Variants in NEGR1 observed in about 807,000 individuals in gnomAD.
The protein encoded by NEGR1 is IgLON family member 4.
NEGR1 carries 10 observed loss-of-function variants against 40.9 expected under a neutral mutation model. The ratio of observed to expected loss-of-function variants is 0.24; its 90% confidence interval spans 0.15 to 0.42. The LOEUF (loss-of-function observed/expected upper bound fraction) is 0.42. Among genes scored for constraint, NEGR1 ranks in the 10% least tolerant of loss-of-function variants. NEGR1 has a pLI of 1.00. For missense variants in NEGR1, 352 were observed against 438.9 expected (o/e 0.80, Z 1.77); for synonymous variants, 185 against 166.8 (o/e 1.11, Z -0.84).
At chr1:71,529,281 G>A (rs964872282) in intron 6 of NEGR1, among the ~76,000 whole-genome samples, 2 of 151,162 alleles carry the variant, frequency 1.3e-5, no homozygotes, top group Non-Finnish European at 3.0e-5. Context: ...AGTGAATACT[G>A]GTAGGACTAC....
chr1:72,027,794 G>C (rs1351546750), intron 1 of NEGR1, among the ~76,000 whole-genome samples: 2 of 152,124 alleles, frequency 1.3e-5, no homozygotes, highest in Non-Finnish European at 2.9e-5. Flanking sequence ...CTACTCAAAG[G>C]GTGATCCCTG....
intron 1 of NEGR1, among the ~76,000 whole-genome samples, chr1:72,090,093 A>G (rs1342931596): frequency 2.0e-5 from 3 of 152,090 alleles, no homozygotes; most frequent in Non-Finnish European, 4.4e-5. Context: ...CCAAATAACT[A>G]GTTCACATTT....
At chr1:71,843,417 G>A (rs184389814) in intron 2 of NEGR1, among the ~76,000 whole-genome samples, 147 of 152,254 alleles carry the variant, frequency 9.7e-4, no homozygotes, top group Non-Finnish European at 1.8e-3. Flanking sequence ...CAGAAGTCGA[G>A]GCTATTGACT....
intron 6 of NEGR1, among the ~76,000 whole-genome samples, chr1:71,525,026 C>T (rs550277322): frequency 1.3e-5 from 2 of 151,708 alleles, no homozygotes; most frequent in Non-Finnish European, 3.0e-5. Flanking sequence ...GACTTCTGAC[C>T]TCCAAAACTA....
chr1:71,423,317 C>G (rs1303776118), intron 6 of NEGR1, among the ~76,000 whole-genome samples: 1 of 152,094 alleles, frequency 6.6e-6, no homozygotes, highest in African/African-American at 2.4e-5. Flanking sequence ...ATTGCTTGAG[C>G]CCAGGAGGTC....
At chr1:72,087,203 G>A (rs939911886) in intron 1 of NEGR1, among the ~76,000 whole-genome samples, 1 of 152,058 alleles carries the variant, frequency 6.6e-6, no homozygotes, top group African/African-American at 2.4e-5. Context: ...GGAACCATGA[G>A]TTCAGGAGTT....
chr1:72,150,868 T>C (rs962428158), intron 1 of NEGR1, among the ~76,000 whole-genome samples: 4 of 152,104 alleles, frequency 2.6e-5, no homozygotes, highest in African/African-American at 9.6e-5. Flanking sequence ...AATATTATAA[T>C]AACAACACAA....
intron 3 of NEGR1, among the ~76,000 whole-genome samples, chr1:71,746,155 T>A (rs1182353372): frequency 6.6e-6 from 1 of 152,242 alleles, no homozygotes; most frequent in African/African-American, 2.4e-5. Flanking sequence ...CATACAAATA[T>A]GTTATGCTTT....
intron 2 of NEGR1, among the ~76,000 whole-genome samples, chr1:71,909,644 G>T (rs1012167752): frequency 1.3e-5 from 2 of 152,104 alleles, no homozygotes; most frequent in African/African-American, 2.4e-5. Flanking sequence ...CTGGAAAGGG[G>T]TTTTTATGTG....
At chr1:72,079,421 T>C (rs937176445) in intron 1 of NEGR1, among the ~76,000 whole-genome samples, 2 of 152,060 alleles carry the variant, frequency 1.3e-5, no homozygotes, top group Non-Finnish European at 2.9e-5. Context: ...GAAAATATTA[T>C]GTTAGCTGGT....
intron 2 of NEGR1, among the ~76,000 whole-genome samples, chr1:71,895,013 A>G (rs1280437902): frequency 6.6e-6 from 1 of 152,192 alleles, no homozygotes; most frequent in Non-Finnish European, 1.5e-5. Context: ...AAATATCTAT[A>G]AGCAGTCTGT....
rs372108914 is a variant in NEGR1, at chr1:71,928,113, C to CATATGTAT, written c.409+6958_409+6965dup. On this transcript the variant is annotated intron_variant, in intron 2 of 6. Transcript: ENST00000357731. The stretch of plus-strand genomic sequence containing the variant: ...ATATACACACATATGTATATATACA[C>CATATGTAT]ATATGTATATATACACACATATGTA... Among the ~76,000 whole-genome samples, 5 of 72,670 alleles carry CATATGTAT rather than the reference C, an allele frequency of 6.9e-5. 1 individual carries two copies. Among genetic ancestry groups the CATATGTAT allele is most frequent in the East Asian group, 4.2e-4 (1 of 2,402 alleles). 47.7% of individuals were successfully genotyped at this position (72,670 alleles called of 152,430 possible).
At chr1:71,882,075 C>T (rs1348091070) in intron 2 of NEGR1, among the ~76,000 whole-genome samples, 1 of 151,826 alleles carries the variant, frequency 6.6e-6, no homozygotes, top group Non-Finnish European at 1.5e-5. Flanking sequence ...ATGTTGCCTT[C>T]CTGTGAAATT....
At chr1:72,110,612 T>C (rs1415509312) in intron 1 of NEGR1, among the ~76,000 whole-genome samples, 1 of 151,676 alleles carries the variant, frequency 6.6e-6, no homozygotes, top group Non-Finnish European at 1.5e-5. Context: ...AAAAACTTTC[T>C]CTAAAAGAGC....
At chr1:71,611,943 C>T (rs1174187401) in intron 4 of NEGR1, among the ~76,000 whole-genome samples, 1 of 152,164 alleles carries the variant, frequency 6.6e-6, no homozygotes, top group Non-Finnish European at 1.5e-5. Context: ...ATTGCATTGG[C>T]CGAGTGCGGT....
rs369166716 is a variant in NEGR1, at chr1:71,460,207, C to T, written c.941-52637G>A. Among the ~76,000 whole-genome samples the T allele has an allele frequency of 3.9e-5, 6 of 152,268 alleles. No individual in the cohort carries two copies. The East Asian group carries it at 1.2e-3, about 29-fold the overall frequency. On this transcript the variant is annotated intron_variant, in intron 6 of 6. Coordinates refer to ENST00000357731, the MANE Select transcript of NEGR1 (RefSeq NM_173808.3). The stretch of plus-strand genomic sequence containing the variant: ...TACATATCGTGAACTGTGAATTGAT[C>T]AATACCAATAGCATTTCTGTGGTGG...
intron 2 of NEGR1, among the ~76,000 whole-genome samples, chr1:71,797,727 G>T (rs375051133): frequency 1.9e-3 from 290 of 152,164 alleles, no homozygotes; most frequent in Non-Finnish European, 3.4e-3. Flanking sequence ...GAATGGCTCT[G>T]AATAATGTAT....
intron 4 of NEGR1, among the ~76,000 whole-genome samples, chr1:71,654,122 A>G (rs1651801910): frequency 6.6e-6 from 1 of 152,200 alleles, no homozygotes; most frequent in Non-Finnish European, 1.5e-5. Flanking sequence ...GATTCAAATT[A>G]TAAGATAAGA....
At chr1:71,900,290 T>C (rs542334691) in intron 2 of NEGR1, among the ~76,000 whole-genome samples, 1 of 152,294 alleles carries the variant, frequency 6.6e-6, no homozygotes, top group East Asian at 1.9e-4. Flanking sequence ...TAACCAATGC[T>C]TTTCCCTATT....
Sources: gnomAD v4.1 joint callset for allele counts (sites outside exome capture counted in the v4.1 genomes callset) on GRCh38, gnomAD v4.1.1 for gene constraint, MANE v1.5 for transcripts, NCBI Gene and HGNC (gene_info 2026-07-23, HGNC 2026-07-21) for gene names.